Variants in TXNDC15 observed in about 807,000 individuals in gnomAD.
TXNDC15 encodes the protein thioredoxin domain-containing protein 15.
A neutral mutation model predicts 35.0 loss-of-function variants in TXNDC15; 24 were observed. That is an observed-to-expected ratio of 0.68 (90% confidence interval 0.50 to 0.96). The LOEUF is 0.96. Ranked by LOEUF, TXNDC15 falls within the 40% of genes least tolerant of loss-of-function variation. TXNDC15 has a pLI of 0.00. For missense variants in TXNDC15, 385 were observed against 453.3 expected (o/e 0.85, Z 1.37); for synonymous variants, 169 against 174.0 (o/e 0.97, Z 0.23).
intron 4 of TXNDC15, among the ~76,000 whole-genome samples, chr5:134,898,625 C>T (rs1274614431): frequency 3.9e-5 from 6 of 152,060 alleles, no homozygotes; most frequent in Admixed American, 3.9e-4. Flanking sequence ...TGTCATGGAT[C>T]CCTGATTGTC....
In TXNDC15 at chr5:134,887,911, C is replaced by T; in HGVS notation, c.320C>T (p.Ser107Leu). 1 of 1,614,198 alleles carries T rather than the reference C, an allele frequency of 6.2e-7. No homozygotes were observed. The highest frequency in any genetic ancestry group is 2.2e-5 in the East Asian group (1 of 44,886). ...GGGGAAGCTGAGGACAAAGTGAGTT[C>T]AGAGCCTAGCGGCGTCACCTGTGGT... Reference protein sequence around the residue: ...IPGEAEDKVSSEPSGVTCGAG... With the variant: ...IPGEAEDKVSLEPSGVTCGAG... Residue 107 changes from serine to leucine, a missense_variant, in exon 2 of 5, where the codon TCA (serine) becomes TTA (leucine). By Grantham distance (145) the Ser-to-Leu change is moderately radical. Transcript: ENST00000358387.
At chr5:134,881,470 C>T (rs1457356617) in intron 1 of TXNDC15, among the ~76,000 whole-genome samples, 1 of 88,862 alleles carries the variant, frequency 1.1e-5, no homozygotes, top group Non-Finnish European at 2.2e-5. Context: ...CCTGAGTGGA[C>T]ACAGCACATG....
At position 134,893,771 on chromosome 5, in the gene TXNDC15, G is replaced by C. The variant is rs1750437150; in HGVS notation, c.755+116G>C. The C allele has an allele frequency of 2.9e-6, 4 of 1,380,878 alleles. No individual in the cohort carries two copies. In the Admixed American group the frequency reaches 7.3e-5, roughly 25 times the overall value. 85.5% of individuals were successfully genotyped at this position (1,380,878 alleles called of 1,614,324 possible). A position where few individuals can be genotyped will look rare whatever the true frequency, so the allele number is the denominator to read the frequency against. ...AGGGGGGGCATGAACTGTGTCCTGG[G>C]ATGGAAGGCAAGGCAAGAGTGAATA... is the stretch of plus-strand genomic sequence containing the variant. On this transcript the variant is annotated intron_variant, in intron 3 of 4. Coordinates refer to ENST00000358387, the MANE Select transcript of TXNDC15 (RefSeq NM_024715.4).
At chr5:134,884,486 G>C (rs1750235660) in intron 1 of TXNDC15, among the ~76,000 whole-genome samples, 1 of 151,908 alleles carries the variant, frequency 6.6e-6, no homozygotes, top group Non-Finnish European at 1.5e-5. Context: ...GACCTCAGGT[G>C]ATCTACCCGC....
chr5:134,896,218 A>G, intron 3 of TXNDC15, 76 bp from the exon 4 acceptor site: 1 of 1,517,894 alleles, frequency 6.6e-7, no homozygotes. Context: ...ATTTCTGTCT[A>G]TTCTGAGATG....
rs1053264965 is a variant in TXNDC15, at chr5:134,901,565, T to C, written c.*1880T>C. 1.3e-5 allele frequency: 2 copies of C among 152,228 alleles called. No homozygotes were observed. Among genetic ancestry groups the C allele is most frequent in the Non-Finnish European group, 2.9e-5 (2 of 68,046 alleles). 9.4% of individuals were successfully genotyped at this position (152,228 alleles called of 1,614,324 possible). ...TTATTACTGTGTGAGTGCCAAGTAC[T>C]GTTTTAGATGCTTTACATATACTAT... is the stretch of plus-strand genomic sequence containing the variant. On this transcript the variant is annotated 3_prime_UTR_variant, in exon 5 of 5. Coordinates refer to ENST00000358387, the MANE Select transcript of TXNDC15 (RefSeq NM_024715.4).
At chr5:134,875,446 A>G (rs1750015167) in intron 1 of TXNDC15, 2 of 454,620 alleles carry the variant, frequency 4.4e-6, no homozygotes, top group East Asian at 1.4e-4. Flanking sequence ...ACTGTGTACC[A>G]GATGCTGTGC....
At chr5:134,875,358 C>A (rs1750012632) in intron 1 of TXNDC15, 1 of 456,074 alleles carries the variant, frequency 2.2e-6, no homozygotes, top group Non-Finnish European at 4.4e-6. Flanking sequence ...CTGGGGTGTC[C>A]TGGATGGAGG....
chr5:134,883,587 C>CAAAAAAAAAAAAAAAAAGAAAAAAAAAA (rs1750207070), intron 1 of TXNDC15, among the ~76,000 whole-genome samples: 1 of 65,380 alleles, frequency 1.5e-5, no homozygotes, highest in African/African-American at 7.6e-5. Flanking sequence ...GACCCTGTCT[C>CAAAAAAAAAAAAAAAAAGAAAAAAAAAA]AAAAAAAAAA....
At chr5:134,897,493 C>G (rs1046519299) in intron 4 of TXNDC15, among the ~76,000 whole-genome samples, 2 of 152,192 alleles carry the variant, frequency 1.3e-5, no homozygotes, top group African/African-American at 4.8e-5. Context: ...AAGTGATCTG[C>G]CTGCCTTGGC....
In TXNDC15 at chr5:134,874,449, C is replaced by T; in HGVS notation, c.22C>T (p.Arg8Ter). The change falls in exon 1 of 5, where the codon CGA becomes TGA. Residue 8 changes from arginine to a stop codon, truncating the protein, a stop_gained. Transcript: ENST00000358387. LOFTEE classifies it high-confidence loss of function. ...GGCAATGGTCCCGGCTGCCGGTCGA[C>T]GACCGCCCCGCGTCATGCGGCTCCT... MVPAAGR[R>*]PPRVMRLLGW... is the part of the protein sequence containing the mutation. 1 of 1,602,148 alleles carries T rather than the reference C, an allele frequency of 6.2e-7. No homozygotes were observed. Among genetic ancestry groups the T allele is most frequent in the East Asian group, 2.3e-5 (1 of 43,634 alleles).
In TXNDC15 at chr5:134,896,280, T is replaced by C. The variant is rs1750486767; in HGVS notation, c.756-14T>C. The C allele has an allele frequency of 6.2e-7, 1 of 1,604,296 alleles. No individual in the cohort carries two copies. Among genetic ancestry groups the C allele is most frequent in the Admixed American group, 1.8e-5 (1 of 57,106 alleles). On this transcript the variant is annotated splice_polypyrimidine_tract_variant and intron_variant, in intron 3 of 4. Transcript: ENST00000358387. Reference sequence around the variant, plus strand: ...AATAATAAATTCAGGTTTTTTGACTTCTTTCTCTTGTAGCCTTTCTACCAG... The same window carrying C: ...AATAATAAATTCAGGTTTTTTGACTCCTTTCTCTTGTAGCCTTTCTACCAG...
At chr5:134,895,701 G>A (rs1225240427) in intron 3 of TXNDC15, among the ~76,000 whole-genome samples, 1 of 152,118 alleles carries the variant, frequency 6.6e-6, no homozygotes, top group Non-Finnish European at 1.5e-5. Context: ...TTGGTTCAGT[G>A]GCAGAACTGA....
chr5:134,881,789 C>T (rs1258458868), intron 1 of TXNDC15, among the ~76,000 whole-genome samples: 4 of 149,694 alleles, frequency 2.7e-5, no homozygotes, highest in Admixed American at 6.6e-5. Context: ...CCTCACCTCC[C>T]GGACGGGGCG....
At chr5:134,897,141 C>T (rs945824341) in intron 4 of TXNDC15, among the ~76,000 whole-genome samples, 2 of 151,762 alleles carry the variant, frequency 1.3e-5, no homozygotes, top group Non-Finnish European at 2.9e-5. Flanking sequence ...GCCTTATTGG[C>T]CAGGCTGGTC....
rs956826845 is a variant in TXNDC15 at position 134,874,665 on chromosome 5, G to T, written c.103+135G>T. The T allele has an allele frequency of 2.2e-5, 15 of 691,870 alleles. No homozygotes were observed. The African/African-American group carries it at 2.7e-4, about 12-fold the overall frequency. 42.9% of individuals were successfully genotyped at this position (691,870 alleles called of 1,614,324 possible). ...GGCGTCTCCCCGGGCGCGTCTCCCC[G>T]ACTTCTCTCCCCGCGCACCGCCCGC... On this transcript the variant is annotated intron_variant, in intron 1 of 4. Coordinates refer to ENST00000358387, the MANE Select transcript of TXNDC15 (RefSeq NM_024715.4).
At chr5:134,874,359 C>T (rs533192132), upstream of TXNDC15, 7 of 1,383,426 alleles carry the variant, frequency 5.1e-6, no homozygotes, top group South Asian at 4.1e-5. Context: ...AGGCTCTCCT[C>T]CCCCAGCCTT....
Position 134,887,781 on chromosome 5 carries a change from C to G in TXNDC15, c.190C>G (p.Leu64Val), listed in dbSNP as rs760419129. 3.7e-6 allele frequency: 6 copies of G among 1,614,044 alleles called. No individual in the cohort carries two copies. The highest frequency in any genetic ancestry group is 4.2e-6 in the Non-Finnish European group (5 of 1,179,998). Residue 64 changes from leucine to valine, a missense_variant, in exon 2 of 5, where the codon CTC becomes GTC. Leu to Val is a conservative substitution (Grantham distance 32). Coordinates refer to ENST00000358387, the MANE Select transcript of TXNDC15 (RefSeq NM_024715.4). ...GGCTGTGTACCTGGGTGAGGAGGAG[C>G]TCCTGCATGACCCGATGGGCCAGGA... ...VGAVYLGEEE[L>V]LHDPMGQDRA...
chr5:134,899,370 C>G (rs1205045421), intron 4 of TXNDC15, 119 bp from the exon 5 acceptor site: 2 of 764,704 alleles, frequency 2.6e-6, no homozygotes, highest in Non-Finnish European at 4.3e-6. Context: ...TATATATATA[C>G]TAGTGGCAAT....
Sources: allele counts gnomAD v4.1 joint callset (sites outside exome capture counted in the v4.1 genomes callset), GRCh38; gene constraint gnomAD v4.1.1; transcripts MANE v1.5; gene names NCBI Gene and HGNC (gene_info 2026-07-23, HGNC 2026-07-21).